The following ZNF536 variants were observed in gnomAD, a reference collection of about 807,000 sequenced individuals.
ZNF536 encodes the protein zinc finger protein 536.
Under a neutral mutation model 84.5 loss-of-function variants are expected in ZNF536, and 13 were observed. The ratio of observed to expected loss-of-function variants is 0.15; its 90% CI spans 0.10 to 0.24. The LOEUF (loss-of-function observed/expected upper bound fraction) is 0.24. Among genes scored for constraint, ZNF536 ranks in the 10% least tolerant of loss-of-function variants. The pLI is 1.00. For missense variants in ZNF536, 1,536 were observed against 1,747.5 expected, an observed-to-expected ratio of 0.88 and a Z score of 2.16; for synonymous variants, 811 against 742.5, an observed-to-expected ratio of 1.09 and a Z score of -1.50.
intron 3 of ZNF536, among the ~76,000 whole-genome samples, chr19:30,365,282 A>G (rs1414382390): frequency 2.6e-5 from 4 of 151,392 alleles, no homozygotes; most frequent in Non-Finnish European, 5.9e-5. Flanking sequence ...TCTCTTCTTC[A>G]TCTTTTTCCT....
intron 2 of ZNF536, among the ~76,000 whole-genome samples, chr19:30,514,632 C>G (rs2145588840): frequency 6.6e-6 from 1 of 151,984 alleles, no homozygotes; most frequent in Admixed American, 6.6e-5. Context: ...GCATCAAGAC[C>G]AGCTTCTTCT....
At chr19:30,282,789 A>C (rs141125964) in intron 1 of ZNF536, among the ~76,000 whole-genome samples, 34 of 152,304 alleles carry the variant, frequency 2.2e-4, no homozygotes, top group African/African-American at 7.5e-4. Context: ...ACAAAAAAAA[A>C]TGCAAAAGAT....
At chr19:30,628,647 T>C (rs943508289) in intron 1 of ZNF536, among the ~76,000 whole-genome samples, 1 of 152,086 alleles carries the variant, frequency 6.6e-6, no homozygotes, top group African/African-American at 2.4e-5. Flanking sequence ...GCCAGGATGG[T>C]CTCGATCTCC....
intron 2 of ZNF536, among the ~76,000 whole-genome samples, chr19:30,493,089 C>CTTTTTTTTT (rs201787656): frequency 4.2e-5 from 3 of 71,578 alleles, no homozygotes; most frequent in African/African-American, 1.3e-4. Context: ...ATATTACTCA[C>CTTTTTTTTT]TTTTTTTTTT....
chr19:30,272,663 T>G (rs1444738660), intron 1 of ZNF536, among the ~76,000 whole-genome samples: 1 of 152,236 alleles, frequency 6.6e-6, no homozygotes, highest in African/African-American at 2.4e-5. Flanking sequence ...TGGATTCGTA[T>G]GACATGTAGT....
intron 1 of ZNF536, among the ~76,000 whole-genome samples, chr19:30,594,260 C>T (rs377733393): frequency 3.3e-4 from 51 of 152,350 alleles, no homozygotes; most frequent in Non-Finnish European, 5.6e-4. Flanking sequence ...TGTCCATACA[C>T]GGCCAGCAGC....
At chr19:30,365,663 G>A (rs532594015) in intron 3 of ZNF536, among the ~76,000 whole-genome samples, 1 of 152,286 alleles carries the variant, frequency 6.6e-6, no homozygotes, top group East Asian at 1.9e-4. Flanking sequence ...TCCCTGTGAG[G>A]CTCTGCTTCT....
chr19:30,466,992 C>T (rs188718336), intron 2 of ZNF536, among the ~76,000 whole-genome samples: 8 of 152,206 alleles, frequency 5.3e-5, no homozygotes, highest in Admixed American at 2.0e-4. Flanking sequence ...AGGTGCCCAC[C>T]GCCACACCTG....
chr19:30,639,192 G>A (rs1698757602), intron 1 of ZNF536, among the ~76,000 whole-genome samples: 1 of 152,144 alleles, frequency 6.6e-6, no homozygotes. Flanking sequence ...GATGCCTTTT[G>A]ACTGTATGAG....
intron 1 of ZNF536, among the ~76,000 whole-genome samples, chr19:30,570,926 C>T (rs746332443): frequency 4.5e-4 from 69 of 152,132 alleles, no homozygotes; most frequent in Admixed American, 7.2e-4. Flanking sequence ...CCCAATAAAA[C>T]ACCCTCTTAT....
intron 1 of ZNF536, among the ~76,000 whole-genome samples, chr19:30,436,824 T>C (rs1017712722): frequency 1.3e-5 from 2 of 152,160 alleles, no homozygotes; most frequent in Admixed American, 6.5e-5. Flanking sequence ...TTACTAGAAG[T>C]GCATGTTATG....
chr19:30,387,325 A>G (rs1568381126), intron 1 of ZNF536, among the ~76,000 whole-genome samples: 1 of 152,198 alleles, frequency 6.6e-6, no homozygotes, highest in Non-Finnish European at 1.5e-5. Flanking sequence ...TCTTGCTCTG[A>G]GCAGGACCGT....
At chr19:30,546,378 C>T (rs1219490126) in intron 3 of ZNF536, among the ~76,000 whole-genome samples, 1 of 152,208 alleles carries the variant, frequency 6.6e-6, no homozygotes, top group Non-Finnish European at 1.5e-5. Flanking sequence ...GGTTCCCTTC[C>T]TAGACCTAAG....
intron 1 of ZNF536, among the ~76,000 whole-genome samples, chr19:30,421,158 T>C (rs892995489): frequency 8.5e-5 from 13 of 152,146 alleles, no homozygotes; most frequent in African/African-American, 2.2e-4. Flanking sequence ...GATAGGTATG[T>C]AGAGGATCCA....
At chr19:30,642,856 G>C (rs766355464) in intron 1 of ZNF536, among the ~76,000 whole-genome samples, 6 of 152,178 alleles carry the variant, frequency 3.9e-5, no homozygotes, top group Non-Finnish European at 8.8e-5. Context: ...GAGCACCTGA[G>C]TGAAAGAGGC....
intron 1 of ZNF536, among the ~76,000 whole-genome samples, chr19:30,579,711 C>T (rs2046854329): frequency 6.6e-6 from 1 of 152,132 alleles, no homozygotes; most frequent in South Asian, 2.1e-4. Flanking sequence ...CTTTCTGTCC[C>T]CACATCCCCA....
intron 2 of ZNF536, among the ~76,000 whole-genome samples, chr19:30,289,600 C>A (rs145014615): frequency 6.6e-6 from 1 of 152,206 alleles, no homozygotes; most frequent in African/African-American, 2.4e-5. Flanking sequence ...GGGTGCTTCT[C>A]TCTTTATTTC....
intron 1 of ZNF536, among the ~76,000 whole-genome samples, chr19:30,568,999 C>T (rs1375952030): frequency 1.3e-5 from 2 of 152,122 alleles, no homozygotes; most frequent in African/African-American, 4.8e-5. Flanking sequence ...GCATCTTTTC[C>T]TTAATGCGAT....
rs540387906 is a variant in ZNF536 at position 30,557,461 on chromosome 19, G to A, written c.*297G>A. On this transcript the variant is annotated 3_prime_UTR_variant, in exon 5 of 5. Coordinates refer to ENST00000355537, the MANE Select transcript of ZNF536 (RefSeq NM_014717.3). ...ACTCCCTCAAAGTCATAAATCCTGA[G>A]TGACAACTGCTGCTGGATGACAGAT... The A allele has an allele frequency of 6.8e-6, 2 of 294,282 alleles. No individual in the cohort carries two copies. The highest frequency in any genetic ancestry group is 6.2e-5 in the East Asian group (1 of 16,098). The allele number at this position is 294,282 out of a possible 1,614,324, so 18.2% of individuals were successfully genotyped here. A position where few individuals can be genotyped will look rare whatever the true frequency, so the allele number is the denominator to read the frequency against.
Sources: allele counts gnomAD v4.1 joint callset (sites outside exome capture counted in the v4.1 genomes callset), GRCh38; gene constraint gnomAD v4.1.1; transcripts MANE v1.5; gene names NCBI Gene and HGNC (gene_info 2026-07-23, HGNC 2026-07-21).